RGSL1: variants seen among roughly 807,000 people sequenced by gnomAD.
RGSL1 encodes the protein regulator of G protein signaling protein-like.
In RGSL1, 97 loss-of-function variants were observed where a neutral mutation model predicts 124.7. The observed-to-expected ratio is 0.78, with a 90% CI of 0.66 to 0.92. RGSL1 has a LOEUF of 0.92. Ranked by LOEUF, RGSL1 falls within the 40% of genes least tolerant of loss-of-function variation. The pLI is 0.00. For synonymous variants in RGSL1, 424 were observed against 438.1 expected, an observed-to-expected ratio of 0.97 and a Z score of 0.40; for missense variants, 1,233 against 1,288.4, an observed-to-expected ratio of 0.96 and a Z score of 0.66.
intron 3 of RGSL1, among the ~76,000 whole-genome samples, chr1:182,459,679 C>A (rs1017795129): frequency 1.3e-5 from 2 of 152,200 alleles, no homozygotes; most frequent in East Asian, 1.9e-4. Context: ...AGACCCAAAT[C>A]TTTTCTGCTT....
intron 9 of RGSL1, among the ~76,000 whole-genome samples, chr1:182,500,647 C>A (rs1243526009): frequency 6.6e-6 from 1 of 152,048 alleles, no homozygotes; most frequent in Non-Finnish European, 1.5e-5. Flanking sequence ...ATATATTTTT[C>A]TTTAAGTCTT....
At chr1:182,505,081 C>T (rs1402654219) in intron 9 of RGSL1, among the ~76,000 whole-genome samples, 1 of 152,154 alleles carries the variant, frequency 6.6e-6, no homozygotes, top group East Asian at 1.9e-4. Context: ...GCTTTTTGGT[C>T]TGTCAAATGC....
chr1:182,474,396 G>A lies in RGSL1; in HGVS notation c.1285G>A (p.Gly429Ser). 1 of 1,551,968 alleles carries A rather than the reference G, an allele frequency of 6.4e-7. No individual in the cohort carries two copies. Among genetic ancestry groups the A allele is most frequent in the Non-Finnish European group, 8.7e-7 (1 of 1,147,024 alleles). ...NGNAIFRHLL[G>S]DRICELYLNE... is the part of the protein sequence containing the mutation. ...GAATGCAATCTTTCGTCACTTGCTG[G>A]GTGACAGAATCTGCGAGCTCTACCT... is the stretch of plus-strand genomic sequence containing the variant. The change falls in exon 6 of 22, where the codon GGT (glycine) becomes AGT (serine). Residue 429 changes from glycine to serine, a missense_variant. Physicochemically the swap from Gly to Ser is moderately conservative, Grantham distance 56 (BLOSUM62 0). Coordinates refer to ENST00000294854, the MANE Select transcript of RGSL1 (RefSeq NM_001137669.2).
intron 15 of RGSL1, among the ~76,000 whole-genome samples, chr1:182,546,345 AC>A (rs1003687059): frequency 5.7e-5 from 6 of 105,762 alleles, no homozygotes; most frequent in Non-Finnish European, 1.3e-4. Context: ...GGCTTTGTAT[AC>A]CTTTTTTTTT....
chr1:182,450,022 A>G (rs931063897), upstream of RGSL1: 1 of 921,284 alleles, frequency 1.1e-6, no homozygotes, highest in Non-Finnish European at 1.7e-6. Flanking sequence ...TAAGGCCTAC[A>G]CCAGAGGTAA....
intron 9 of RGSL1, among the ~76,000 whole-genome samples, chr1:182,515,509 G>C (rs1179350497): frequency 7.0e-6 from 1 of 142,896 alleles, no homozygotes; most frequent in Admixed American, 7.4e-5. Flanking sequence ...AGAGTGCATG[G>C]GGGAAGGAAA....
rs1199136679 is a variant in RGSL1, at chr1:182,540,353, A to G, written c.2601A>G (p.Ile867Met). 6.4e-7 allele frequency: 1 copy of G among 1,551,376 alleles called. No individual in the cohort carries two copies. The highest frequency in any genetic ancestry group is 8.7e-7 in the Non-Finnish European group (1 of 1,146,758). The change falls in exon 15 of 22, where the codon ATA becomes ATG. Residue 867 changes from isoleucine (I) to methionine (M), a missense_variant. Coordinates refer to ENST00000294854, the MANE Select transcript of RGSL1 (RefSeq NM_001137669.2). ...AAATAACCCTTGTAAAGCGTCGTAT[A>G]TTTGGCCACAGGATTATCACTGTCA... is the stretch of plus-strand genomic sequence containing the variant. ...NGEITLVKRR[I>M]FGHRIITVNF... is the part of the protein sequence containing the mutation.
At chr1:182,450,322 C>G (rs1651711912) in intron 1 of RGSL1, 144 bp downstream of exon 1, 7 of 862,472 alleles carry the variant, frequency 8.1e-6, no homozygotes, top group Admixed American at 2.0e-5. Flanking sequence ...TTTTCCTTCT[C>G]TTTCTCCTTC....
At chr1:182,514,952 G>A (rs767807145) in intron 9 of RGSL1, among the ~76,000 whole-genome samples, 5 of 152,186 alleles carry the variant, frequency 3.3e-5, no homozygotes, top group Non-Finnish European at 5.9e-5. Flanking sequence ...GAAGAGAGCT[G>A]GTTGCCCATT....
chr1:182,497,947 A>T (rs1656054927), intron 9 of RGSL1, among the ~76,000 whole-genome samples: 1 of 152,012 alleles, frequency 6.6e-6, no homozygotes, highest in African/African-American at 2.4e-5. Context: ...GCTGTTTTTG[A>T]ACTCCTGGCC....
chr1:182,527,636 C>T lies in RGSL1; in HGVS notation c.1989C>T (p.Leu663=), dbSNP rs753749611. The T allele has an allele frequency of 6.4e-7, 1 of 1,551,680 alleles. No individual in the cohort carries two copies. The highest frequency in any genetic ancestry group is 8.7e-7 in the Non-Finnish European group (1 of 1,146,846). ...TQHLEFFREF[L]KERKAKIPLQ... ...ACTTGGAGTTCTTCAGGGAGTTCCTCAAGGAACGGAAGGCTAAAATCCCAT... is the reference window on the plus strand; with the variant it reads ...ACTTGGAGTTCTTCAGGGAGTTCCTTAAGGAACGGAAGGCTAAAATCCCAT... Residue 663 remains leucine (L), a synonymous_variant, in exon 11 of 22, where the codon CTC becomes CTT. Transcript: ENST00000294854.
intron 9 of RGSL1, among the ~76,000 whole-genome samples, chr1:182,501,922 C>G (rs536919978): frequency 6.6e-6 from 1 of 152,214 alleles, no homozygotes; most frequent in African/African-American, 2.4e-5. Flanking sequence ...GGTTCAATCT[C>G]CCATTCAAAC....
chr1:182,531,962 T>G (rs942667982), intron 13 of RGSL1, among the ~76,000 whole-genome samples: 5 of 152,188 alleles, frequency 3.3e-5, no homozygotes. Flanking sequence ...AGCTCCAGAC[T>G]CAAAGTTTTT....
intron 11 of RGSL1, among the ~76,000 whole-genome samples, chr1:182,528,945 C>T (rs1054502503): frequency 1.3e-5 from 2 of 152,160 alleles, no homozygotes; most frequent in Admixed American, 6.5e-5. Context: ...GAGTGCCCAG[C>T]GAAGGGGGAA....
intron 9 of RGSL1, among the ~76,000 whole-genome samples, chr1:182,497,226 G>C (rs1458450432): frequency 7.3e-6 from 1 of 136,620 alleles, no homozygotes; most frequent in African/African-American, 3.2e-5. Context: ...AAAAGAGATA[G>C]AAAGATAGAT....
At chr1:182,544,805 C>T (rs1660109307) in intron 15 of RGSL1, among the ~76,000 whole-genome samples, 1 of 152,000 alleles carries the variant, frequency 6.6e-6, no homozygotes, top group South Asian at 2.1e-4. Flanking sequence ...ATAACTATAG[C>T]TATCCCAGCT....
In RGSL1 at chr1:182,472,529, GGT is replaced by G; in HGVS notation, c.437_438del (p.Val146GlyfsTer5). 6 of 1,546,870 alleles carry G rather than the reference GGT, an allele frequency of 3.9e-6. No individual in the cohort carries two copies. Among genetic ancestry groups the G allele is most frequent in the Non-Finnish European group, 5.2e-6 (6 of 1,144,104 alleles). On this transcript the variant is annotated frameshift_variant, in exon 5 of 22. Transcript: ENST00000294854. LOFTEE classifies it high-confidence loss of function. The stretch of plus-strand genomic sequence containing the variant: ...CCACTCATCTGCAGGAGGGCTCCAG[GGT>G]GGTAACCCTCTGTAACATGAACATC... ...RATHLQEGSR[V>X]VTLCNMNIKS...
chr1:182,517,971 G>C lies in RGSL1; in HGVS notation c.1826-4033G>C, dbSNP rs548270978. Among the ~76,000 whole-genome samples the C allele has an allele frequency of 1.5e-4, 23 of 152,244 alleles. No individual in the cohort carries two copies. In the South Asian group the frequency reaches 1.7e-3, roughly 11 times the overall value. The stretch of plus-strand genomic sequence containing the variant: ...TACGTATGTGTCTTTGCATTAAAGA[G>C]TTATTTATTCCAGTCTTCTCTGTCT... On this transcript the variant is annotated intron_variant, in intron 9 of 21. Transcript: ENST00000294854.
intron 10 of RGSL1, among the ~76,000 whole-genome samples, chr1:182,524,583 C>A (rs552276038): frequency 8.3e-4 from 126 of 152,322 alleles, no homozygotes; most frequent in African/African-American, 3.0e-3. Context: ...AATTGCTTAT[C>A]CAAGAAAACT....
Sources: gnomAD v4.1 joint callset for allele counts (sites outside exome capture counted in the v4.1 genomes callset) on GRCh38, gnomAD v4.1.1 for gene constraint, MANE v1.5 for transcripts, NCBI Gene and HGNC (gene_info 2026-07-23, HGNC 2026-07-21) for gene names.